The following HDAC9 variants were observed in gnomAD, a reference collection of about 807,000 sequenced individuals.
HDAC9 encodes the protein histone deacetylase 9.
HDAC9 carries 41 observed loss-of-function variants against 139.4 expected under a neutral mutation model. The ratio of observed to expected loss-of-function variants is 0.29; its 90% CI spans 0.23 to 0.38. The LOEUF (loss-of-function observed/expected upper bound fraction) is 0.38. Ranked by LOEUF, HDAC9 falls within the 10% of genes least tolerant of loss-of-function variation. The pLI, the probability that HDAC9 is intolerant of heterozygous loss-of-function variation, is 1.00. For missense variants in HDAC9, 1,147 were observed against 1,297.0 expected, an observed-to-expected ratio of 0.88 and a Z score of 1.78; for synonymous variants, 517 against 476.2, an observed-to-expected ratio of 1.09 and a Z score of -1.12.
At chr7:18,854,114 A>G (rs1016960032) in intron 21 of HDAC9, among the ~76,000 whole-genome samples, 5 of 152,178 alleles carry the variant, frequency 3.3e-5, no homozygotes, top group East Asian at 3.8e-4. Context: ...TAAAACTTCT[A>G]TTTTAAAAAT....
At chr7:18,637,307 G>A (rs1425720713) in intron 8 of HDAC9, among the ~76,000 whole-genome samples, 2 of 152,034 alleles carry the variant, frequency 1.3e-5, no homozygotes, top group African/African-American at 4.8e-5. Flanking sequence ...TGTGCATATA[G>A]TATTTAGTAC....
chr7:18,253,876 G>A (rs1048957972), intron 2 of HDAC9, among the ~76,000 whole-genome samples: 6 of 152,310 alleles, frequency 3.9e-5, no homozygotes, highest in African/African-American at 1.4e-4. Context: ...AACTGGAGGT[G>A]CTAGCCATCA....
At chr7:18,208,477 G>A (rs761620927) in intron 2 of HDAC9, among the ~76,000 whole-genome samples, 4 of 149,502 alleles carry the variant, frequency 2.7e-5, no homozygotes, top group Non-Finnish European at 4.4e-5. Flanking sequence ...CTGGGCTCAA[G>A]TGATTCTACT....
chr7:18,923,549 A>G (rs370451739), intron 22 of HDAC9, among the ~76,000 whole-genome samples: 37 of 152,116 alleles, frequency 2.4e-4, no homozygotes, highest in African/African-American at 8.9e-4. Flanking sequence ...TCCTCTGCTT[A>G]CCTCACTCTC....
chr7:18,740,556 T>C (rs1352830108), intron 13 of HDAC9, among the ~76,000 whole-genome samples: 1 of 152,238 alleles, frequency 6.6e-6, no homozygotes, highest in Non-Finnish European at 1.5e-5. Context: ...CTTTCTCTTT[T>C]TGGCCCTCTC....
At chr7:18,416,851 CTT>C (rs1052242999) in intron 1 of HDAC9, among the ~76,000 whole-genome samples, 4 of 151,948 alleles carry the variant, frequency 2.6e-5, no homozygotes, top group African/African-American at 7.2e-5. Context: ...TATTTTGTCT[CTT>C]TGTGTGTGAT....
intron 2 of HDAC9, among the ~76,000 whole-genome samples, chr7:18,230,742 A>G (rs1793401965): frequency 6.6e-6 from 1 of 152,204 alleles, no homozygotes; most frequent in Non-Finnish European, 1.5e-5. Flanking sequence ...TACGTAAGTA[A>G]ACAAAACTCT....
At chr7:18,793,320 C>A in intron 16 of HDAC9, 25 bp from the exon 17 acceptor site, 1 of 1,479,922 alleles carries the variant, frequency 6.8e-7, no homozygotes, top group Non-Finnish European at 9.3e-7. Context: ...CTTCTGTCTT[C>A]GGACTCTGCT....
intron 2 of HDAC9, among the ~76,000 whole-genome samples, chr7:18,239,918 T>G (rs1225403518): frequency 6.6e-6 from 1 of 151,620 alleles, no homozygotes; most frequent in African/African-American, 2.4e-5. Flanking sequence ...GAAGTATCCT[T>G]GTACAGCTCG....
chr7:18,478,189 A>C (rs1226284127), intron 1 of HDAC9, among the ~76,000 whole-genome samples: 2 of 151,738 alleles, frequency 1.3e-5, no homozygotes, highest in African/African-American at 2.4e-5. Context: ...TTCCTGCCTC[A>C]GCCTCCCGAG....
At chr7:18,520,444 T>C (rs909184323) in intron 2 of HDAC9, among the ~76,000 whole-genome samples, 1 of 152,198 alleles carries the variant, frequency 6.6e-6, no homozygotes, top group African/African-American at 2.4e-5. Context: ...TAGAGGCAAC[T>C]AAGCAAGCCT....
chr7:18,735,107 G>C (rs1362186686), intron 13 of HDAC9, among the ~76,000 whole-genome samples: 1 of 152,130 alleles, frequency 6.6e-6, no homozygotes, highest in East Asian at 1.9e-4. Flanking sequence ...TTGTAAATTT[G>C]TTTGAGTTAT....
intron 2 of HDAC9, chr7:18,506,160 T>G (rs921577528): frequency 3.9e-5 from 6 of 152,236 alleles, no homozygotes; most frequent in Admixed American, 3.3e-4. Flanking sequence ...AACTGTCTGC[T>G]TAAGGGGCAA....
intron 1 of HDAC9, among the ~76,000 whole-genome samples, chr7:18,418,543 T>G (rs1421612831): frequency 6.6e-6 from 1 of 151,952 alleles, no homozygotes; most frequent in African/African-American, 2.4e-5. Flanking sequence ...CAAAGTCACA[T>G]GAAAGTATGG....
intron 2 of HDAC9, among the ~76,000 whole-genome samples, chr7:18,197,803 T>G (rs961529704): frequency 6.6e-6 from 1 of 152,178 alleles, no homozygotes; most frequent in Non-Finnish European, 1.5e-5. Context: ...GTAGACATTG[T>G]TTTTTCTTCA....
At chr7:18,110,238 C>G (rs1020698934) in intron 1 of HDAC9, among the ~76,000 whole-genome samples, 13 of 152,066 alleles carry the variant, frequency 8.5e-5, no homozygotes, top group African/African-American at 3.1e-4. Flanking sequence ...TGTGTTTGTC[C>G]TTTTGGTAGA....
intron 7 of HDAC9, among the ~76,000 whole-genome samples, chr7:18,632,340 T>G (rs1782610362): frequency 6.6e-6 from 1 of 152,108 alleles, no homozygotes; most frequent in Non-Finnish European, 1.5e-5. Context: ...AATTCTTACA[T>G]TAACCTCACA....
chr7:18,620,402 T>C (rs1229001102), intron 6 of HDAC9, among the ~76,000 whole-genome samples: 1 of 151,974 alleles, frequency 6.6e-6, no homozygotes, highest in Non-Finnish European at 1.5e-5. Context: ...TTTGTTAAAA[T>C]GTCATAAAAA....
chr7:18,195,050 C>T (rs541487579), intron 2 of HDAC9, among the ~76,000 whole-genome samples: 2 of 152,136 alleles, frequency 1.3e-5, no homozygotes, highest in African/African-American at 4.8e-5. Context: ...TTAAATAAAA[C>T]AAACTCTGCC....
Sources: gnomAD v4.1 joint callset for allele counts (sites outside exome capture counted in the v4.1 genomes callset) on GRCh38, gnomAD v4.1.1 for gene constraint, MANE v1.5 for transcripts, NCBI Gene and HGNC (gene_info 2026-07-23, HGNC 2026-07-21) for gene names.